RASGEF1C: variants seen among roughly 807,000 people sequenced by gnomAD.
RASGEF1C encodes ras-GEF domain-containing family member 1C.
RASGEF1C carries 27 observed loss-of-function variants against 58.1 expected under a neutral mutation model. The ratio of observed to expected loss-of-function variants is 0.46; its 90% confidence interval spans 0.34 to 0.64. RASGEF1C has a LOEUF of 0.64. Among genes scored for constraint, RASGEF1C ranks in the 30% least tolerant of loss-of-function variants. The probability of loss-of-function intolerance (pLI) is 0.01; values close to 1 mark genes in which losing one functional copy is unlikely to be tolerated. For synonymous variants in RASGEF1C, 243 were observed against 246.3 expected, an observed-to-expected ratio of 0.99 and a Z score of 0.13; for missense variants, 502 against 605.1, an observed-to-expected ratio of 0.83 and a Z score of 1.79.
chr5:180,200,991 G>A (rs538781887), intron 1 of RASGEF1C, among the ~76,000 whole-genome samples: 18 of 152,278 alleles, frequency 1.2e-4, no homozygotes, highest in Admixed American at 2.0e-4. Context: ...TCAGCTACTC[G>A]GGAGGCTGAG....
intron 6 of RASGEF1C, among the ~76,000 whole-genome samples, chr5:180,126,459 T>G (rs1766264204): frequency 6.6e-6 from 1 of 152,110 alleles, no homozygotes; most frequent in African/African-American, 2.4e-5. Flanking sequence ...CCACAGTTGT[T>G]CCGAATTCCC....
At chr5:180,129,115 AG>A (rs1203176503) in intron 4 of RASGEF1C, among the ~76,000 whole-genome samples, 1 of 152,178 alleles carries the variant, frequency 6.6e-6, no homozygotes, top group Non-Finnish European at 1.5e-5. Flanking sequence ...GGTCAGTGGA[AG>A]GGCCAGGGCC....
At chr5:180,147,913 T>C (rs1308419228) in intron 1 of RASGEF1C, among the ~76,000 whole-genome samples, 1 of 152,170 alleles carries the variant, frequency 6.6e-6, no homozygotes, top group Non-Finnish European at 1.5e-5. Flanking sequence ...AATAGCTTAG[T>C]TGGGAAAGCA....
intron 4 of RASGEF1C, among the ~76,000 whole-genome samples, chr5:180,134,611 C>G (rs1250491309): frequency 6.6e-6 from 1 of 151,392 alleles, no homozygotes; most frequent in African/African-American, 2.4e-5. Flanking sequence ...GTGACCCACC[C>G]CAGATCCATC....
chr5:180,112,968 A>C (rs1206425569), intron 11 of RASGEF1C, among the ~76,000 whole-genome samples: 12 of 133,270 alleles, frequency 9.0e-5, no homozygotes, highest in South Asian at 2.6e-4. Context: ...GGGACCGGGG[A>C]TGGACGGAGG....
At chr5:180,151,397 C>A (rs1766743274) in intron 1 of RASGEF1C, among the ~76,000 whole-genome samples, 1 of 152,100 alleles carries the variant, frequency 6.6e-6, no homozygotes. Context: ...AGAACAGAGC[C>A]CTCAGAAATA....
chr5:180,122,328 C>T (rs982598303), intron 6 of RASGEF1C, among the ~76,000 whole-genome samples: 2 of 152,196 alleles, frequency 1.3e-5, no homozygotes, highest in Non-Finnish European at 2.9e-5. Context: ...CTATGCGAAC[C>T]TTTCCCTGTG....
chr5:180,121,205 T>A (rs968369884), intron 6 of RASGEF1C, 56 bp from the exon 7 acceptor site: 1 of 1,229,908 alleles, frequency 8.1e-7, no homozygotes, highest in East Asian at 2.3e-5. Flanking sequence ...CTATCATCTT[T>A]TAGAGCATGA....
At chr5:180,128,777 C>T (rs1766310442) in intron 4 of RASGEF1C, among the ~76,000 whole-genome samples, 167 bp from the exon 5 acceptor site, 1 of 152,246 alleles carries the variant, frequency 6.6e-6, no homozygotes, top group Admixed American at 6.5e-5. Context: ...TACCCTGAAA[C>T]AGGACCCAAT....
In RASGEF1C at chr5:180,157,163, G is replaced by A. The variant is rs961693170; in HGVS notation, c.-6-19105C>T. Among the ~76,000 whole-genome samples, 117 of 152,190 alleles carry A rather than the reference G, an allele frequency of 7.7e-4. 1 individual carries two copies. The highest frequency in any genetic ancestry group is 4.1e-3 in the Admixed American group (62 of 15,278). The stretch of plus-strand genomic sequence containing the variant: ...TATAATCTAGCAATCTCATTTCTTG[G>A]TATTTACCCAAAAGAGTTGAAAATT... On this transcript the variant is annotated intron_variant, in intron 1 of 13. Coordinates refer to ENST00000361132, the MANE Select transcript of RASGEF1C (RefSeq NM_175062.4).
chr5:180,129,148 C>T (rs1458874820), intron 4 of RASGEF1C, among the ~76,000 whole-genome samples: 1 of 152,142 alleles, frequency 6.6e-6, no homozygotes, highest in Non-Finnish European at 1.5e-5. Context: ...GACTGTGCCC[C>T]CCAGGGCTGG....
chr5:180,146,593 C>G (rs1766664520), intron 1 of RASGEF1C, among the ~76,000 whole-genome samples: 1 of 151,362 alleles, frequency 6.6e-6, no homozygotes. Flanking sequence ...TTTTTTCCTT[C>G]ATCATGTTAA....
intron 1 of RASGEF1C, among the ~76,000 whole-genome samples, chr5:180,179,667 A>T (rs555405652): frequency 9.2e-5 from 14 of 152,350 alleles, no homozygotes; most frequent in Middle Eastern, 3.4e-3. Context: ...GGCGTCAGGT[A>T]TGCAAACTGT....
Position 180,120,344 on chromosome 5 carries a change from G to A in RASGEF1C, c.804+716C>T, listed in dbSNP as rs1052855438. On this transcript the variant is annotated intron_variant, in intron 7 of 13. Transcript: ENST00000361132. The stretch of plus-strand genomic sequence containing the variant: ...CAACTCCTGTGTCCATCGCCACGTC[G>A]CATGGGGCCGCCTCCTCTCTACTCT... Among the ~76,000 whole-genome samples the A allele has an allele frequency of 1.1e-4, 17 of 152,300 alleles. No individual in the cohort carries two copies. In the East Asian group the frequency reaches 2.7e-3, roughly 24 times the overall value.
At position 180,118,781 on chromosome 5, in the gene RASGEF1C, A is replaced by T; in HGVS notation, c.987+6T>A. 6.2e-7 allele frequency: 1 copy of T among 1,614,132 alleles called. No homozygotes were observed. The highest frequency in any genetic ancestry group is 8.5e-7 in the Non-Finnish European group (1 of 1,179,982). On this transcript the variant is annotated splice_donor_region_variant and intron_variant, in intron 9 of 13. Transcript: ENST00000361132. The stretch of plus-strand genomic sequence containing the variant: ...AGGCACCCGGCAGCCCAGCAGCCTC[A>T]TTTACCTCGAGGATGAAAAACTTGG...
At chr5:180,126,013 A>G (rs1006444490) in intron 6 of RASGEF1C, among the ~76,000 whole-genome samples, 1 of 152,178 alleles carries the variant, frequency 6.6e-6, no homozygotes, top group African/African-American at 2.4e-5. Context: ...ACAAATGTTC[A>G]TCTACAGTAG....
intron 1 of RASGEF1C, among the ~76,000 whole-genome samples, chr5:180,166,675 C>A (rs186177343): frequency 6.6e-6 from 1 of 152,162 alleles, no homozygotes; most frequent in Non-Finnish European, 1.5e-5. Flanking sequence ...ACCACCATGC[C>A]CAGCTAATTT....
At chr5:180,163,304 G>T (rs1450506435) in intron 1 of RASGEF1C, among the ~76,000 whole-genome samples, 1 of 138,126 alleles carries the variant, frequency 7.2e-6, no homozygotes, top group Non-Finnish European at 1.5e-5. Context: ...TAGGAGGGTT[G>T]AGAATGGACA....
intron 1 of RASGEF1C, among the ~76,000 whole-genome samples, chr5:180,188,027 C>T (rs1242815472): frequency 1.3e-5 from 2 of 152,174 alleles, no homozygotes; most frequent in Non-Finnish European, 2.9e-5. Context: ...AATACTTGTA[C>T]ATGAGTGATC....
Sources: gnomAD v4.1 joint callset for allele counts (sites outside exome capture counted in the v4.1 genomes callset) on GRCh38, gnomAD v4.1.1 for gene constraint, MANE v1.5 for transcripts, NCBI Gene and HGNC (gene_info 2026-07-23, HGNC 2026-07-21) for gene names.